RALGAPB: variants seen among roughly 807,000 people sequenced by gnomAD.
RALGAPB encodes the protein Ral GTPase activating protein non-catalytic subunit beta.
Under a neutral mutation model 161.1 loss-of-function variants are expected in RALGAPB, and 25 were observed. The observed-to-expected ratio is 0.16, with a 90% CI of 0.11 to 0.22. The LOEUF is 0.22. RALGAPB is among the 10% of genes least tolerant of loss of function. The pLI is 1.00. For missense variants in RALGAPB, 1,391 were observed against 1,815.2 expected (o/e 0.77, Z 4.25); for synonymous variants, 629 against 626.1 (o/e 1.00, Z -0.07).
At chr20:38,532,534 C>T (rs1266311000) in intron 14 of RALGAPB, among the ~76,000 whole-genome samples, 196 bp from the exon 15 acceptor site, 1 of 152,174 alleles carries the variant, frequency 6.6e-6, no homozygotes, top group African/African-American at 2.4e-5. Flanking sequence ...TAGTACAAAT[C>T]CTTCATACCC....
intron 10 of RALGAPB, among the ~76,000 whole-genome samples, chr20:38,522,375 CTCT>C (rs1472576098): frequency 2.0e-5 from 3 of 152,146 alleles, no homozygotes; most frequent in Non-Finnish European, 4.4e-5. Flanking sequence ...TTTTAGAATC[CTCT>C]TCTTCTGTAT....
At chr20:38,540,967 C>T in intron 17 of RALGAPB, 74 bp from the exon 18 acceptor site, 3 of 1,523,784 alleles carry the variant, frequency 2.0e-6, no homozygotes, top group Non-Finnish European at 2.7e-6. Flanking sequence ...CCACTGTTAG[C>T]ATTTGGATGG....
At chr20:38,554,346 T>C (rs1007183253) in intron 22 of RALGAPB, among the ~76,000 whole-genome samples, 2 of 152,160 alleles carry the variant, frequency 1.3e-5, no homozygotes, top group African/African-American at 4.8e-5. Context: ...GATAACACAG[T>C]ACCCATATTA....
chr20:38,557,369 C>T (rs954676822), intron 22 of RALGAPB, among the ~76,000 whole-genome samples: 6 of 152,116 alleles, frequency 3.9e-5, no homozygotes, highest in African/African-American at 9.7e-5. Flanking sequence ...CATTACTCAC[C>T]GAAGTCGGTG....
chr20:38,509,214 G>C lies in RALGAPB; in HGVS notation c.872+6G>C. On this transcript the variant is annotated splice_donor_region_variant and intron_variant, in intron 6 of 29. Transcript: ENST00000262879. ...CGCTTTTTACACATGTTAAGGTATT[G>C]TTATTTTATTATTTCATGTGCCATT... 6.2e-7 allele frequency: 1 copy of C among 1,610,828 alleles called. No individual in the cohort carries two copies. Among genetic ancestry groups the C allele is most frequent in the South Asian group, 1.1e-5 (1 of 90,556 alleles).
At chr20:38,541,699 G>A (rs1210293961) in intron 18 of RALGAPB, among the ~76,000 whole-genome samples, 2 of 152,054 alleles carry the variant, frequency 1.3e-5, no homozygotes, top group African/African-American at 4.8e-5. Flanking sequence ...TGTCTGGTAG[G>A]GAAGATAAAA....
At chr20:38,565,675 CCCT>C (rs1315858002) in intron 25 of RALGAPB, among the ~76,000 whole-genome samples, 197 bp downstream of exon 25, 1 of 152,158 alleles carries the variant, frequency 6.6e-6, no homozygotes, top group African/African-American at 2.4e-5. Flanking sequence ...AGCAGACTGA[CCCT>C]CTAATAATCT....
chr20:38,529,008 C>G (rs1483428197), intron 13 of RALGAPB, among the ~76,000 whole-genome samples: 3 of 152,116 alleles, frequency 2.0e-5, no homozygotes, highest in Non-Finnish European at 4.4e-5. Context: ...TAAAGAGTCT[C>G]TTCTGACCAA....
chr20:38,509,298 A>C (rs1397019865), intron 6 of RALGAPB, 90 bp downstream of exon 6: 2 of 1,376,326 alleles, frequency 1.5e-6, no homozygotes, highest in Non-Finnish European at 2.0e-6. Context: ...TGAATTCAGA[A>C]GGTGGACACT....
Position 38,553,895 on chromosome 20 carries a change from G to C in RALGAPB, c.3191G>C (p.Ser1064Thr). Residue 1064 changes from serine to threonine, a missense_variant, in exon 22 of 30, where the codon AGT becomes ACT. By Grantham distance (58) the Ser-to-Thr change is moderately conservative (BLOSUM62 1). Coordinates refer to ENST00000262879, the MANE Select transcript of RALGAPB (RefSeq NM_020336.4). ...GAAGAGAGACACGAAAAATTAAGGA[G>C]TGGCATGGCCCAGCAGATTGCTTAT... ...ELEERHEKLRSGMAQQIAYEI... is the reference protein window; with the variant it reads ...ELEERHEKLRTGMAQQIAYEI... 1 of 1,611,910 alleles carries C rather than the reference G, an allele frequency of 6.2e-7. No homozygotes were observed. The highest frequency in any genetic ancestry group is 8.5e-7 in the Non-Finnish European group (1 of 1,178,704).
intron 4 of RALGAPB, among the ~76,000 whole-genome samples, chr20:38,499,036 G>T (rs1005251688): frequency 2.0e-5 from 3 of 152,136 alleles, no homozygotes; most frequent in Non-Finnish European, 4.4e-5. Context: ...TTGGTATTAG[G>T]TATTACAGAT....
intron 27 of RALGAPB, 40 bp downstream of exon 27, chr20:38,570,036 A>G: frequency 6.6e-7 from 1 of 1,509,540 alleles, no homozygotes; most frequent in Non-Finnish European, 9.2e-7. Flanking sequence ...AAATGGCAAT[A>G]TATGACAGTG....
intron 7 of RALGAPB, among the ~76,000 whole-genome samples, chr20:38,516,839 G>A (rs1387174099): frequency 6.6e-6 from 1 of 152,088 alleles, no homozygotes; most frequent in Admixed American, 6.5e-5. Flanking sequence ...CTTTTAAGCT[G>A]TTTTTCACAT....
At chr20:38,534,002 G>T (rs2086730766) in intron 15 of RALGAPB, among the ~76,000 whole-genome samples, 1 of 151,248 alleles carries the variant, frequency 6.6e-6, no homozygotes, top group Non-Finnish European at 1.5e-5. Flanking sequence ...AGCTGGGGGT[G>T]GGGGTGGGTG....
At chr20:38,516,513 CAACAAATAA>C (rs767657220) in intron 7 of RALGAPB, 143 bp downstream of exon 7, 7 of 823,472 alleles carry the variant, frequency 8.5e-6, no homozygotes, top group Non-Finnish European at 1.3e-5. Flanking sequence ...AAATTATTTG[CAACAAATAA>C]AATAGCCAGA....
chr20:38,555,852 T>C (rs982419555), intron 22 of RALGAPB, among the ~76,000 whole-genome samples: 2 of 152,226 alleles, frequency 1.3e-5, no homozygotes, highest in Non-Finnish European at 2.9e-5. Flanking sequence ...CAGTTTTACT[T>C]ATGAATGTAT....
intron 23 of RALGAPB, among the ~76,000 whole-genome samples, chr20:38,558,967 A>G (rs77201123): frequency 4.6e-4 from 70 of 152,356 alleles, no homozygotes; most frequent in African/African-American, 1.7e-3. Context: ...TTTACATGGT[A>G]TGCACTTGTC....
At chr20:38,528,340 TTTATTTTTATTTA>T (rs1467000751) in intron 13 of RALGAPB, among the ~76,000 whole-genome samples, 7 of 148,016 alleles carry the variant, frequency 4.7e-5, no homozygotes, top group African/African-American at 1.8e-4. Context: ...TCACATTCAT[TTTATTTTTATTTA>T]TTTATTTATT....
intron 11 of RALGAPB, 97 bp from the exon 12 acceptor site, chr20:38,525,307 A>G (rs2086426067): frequency 3.7e-6 from 3 of 803,000 alleles, no homozygotes; most frequent in Non-Finnish European, 6.4e-6. Flanking sequence ...CAAATACACA[A>G]TGCTTGGATT....
Sources: allele counts gnomAD v4.1 joint callset (sites outside exome capture counted in the v4.1 genomes callset), GRCh38; gene constraint gnomAD v4.1.1; transcripts MANE v1.5; gene names NCBI Gene and HGNC (gene_info 2026-07-23, HGNC 2026-07-21).